Variants in CLSTN2 observed in about 807,000 individuals in gnomAD.
The protein encoded by CLSTN2 is calsyntenin-2.
A neutral mutation model predicts 101.2 loss-of-function variants in CLSTN2; 48 were observed. The ratio of observed to expected loss-of-function variants is 0.47; its 90% CI spans 0.38 to 0.60. The LOEUF (loss-of-function observed/expected upper bound fraction) is 0.60, where lower values mean the gene tolerates loss of function less well. Among genes scored for constraint, CLSTN2 ranks in the 20% least tolerant of loss-of-function variants. The pLI, the probability that CLSTN2 is intolerant of heterozygous loss-of-function variation, is 0.00. For missense variants in CLSTN2, 1,160 were observed against 1,238.2 expected (o/e 0.94, Z 0.95); for synonymous variants, 481 against 463.6 (o/e 1.04, Z -0.48).
At chr3:140,016,225 G>A (rs570226847) in intron 1 of CLSTN2, among the ~76,000 whole-genome samples, 2 of 152,318 alleles carry the variant, frequency 1.3e-5, no homozygotes, top group East Asian at 1.9e-4. Flanking sequence ...CAAGAAATGA[G>A]GAGAGCTGAG....
intron 2 of CLSTN2, among the ~76,000 whole-genome samples, chr3:140,376,633 A>C (rs2087920147): frequency 6.6e-6 from 1 of 152,224 alleles, no homozygotes; most frequent in East Asian, 1.9e-4. Flanking sequence ...TTTTCACAAC[A>C]TGTTGCATAG....
chr3:140,071,391 C>T (rs564577761), intron 1 of CLSTN2, among the ~76,000 whole-genome samples: 1 of 151,632 alleles, frequency 6.6e-6, no homozygotes, highest in Non-Finnish European at 1.5e-5. Context: ...GAGAAGCCAA[C>T]AGAGACATGA....
chr3:140,351,206 GAGAA>G (rs1308246656), intron 2 of CLSTN2, among the ~76,000 whole-genome samples: 1 of 152,132 alleles, frequency 6.6e-6, no homozygotes, highest in Admixed American at 6.6e-5. Flanking sequence ...GTGAGAGAGA[GAGAA>G]AGAAAGAGAG....
At chr3:140,391,510 A>G (rs1376016221) in intron 2 of CLSTN2, among the ~76,000 whole-genome samples, 1 of 152,182 alleles carries the variant, frequency 6.6e-6, no homozygotes, top group Non-Finnish European at 1.5e-5. Flanking sequence ...TCATTTAAAC[A>G]TGTGCAGTAC....
rs1259054034 is a variant in CLSTN2, at chr3:140,448,462, G to A, written c.788-57G>A. 5.0e-6 allele frequency: 7 copies of A among 1,401,882 alleles called. No homozygotes were observed. In the African/African-American group the frequency reaches 8.6e-5, roughly 17 times the overall value. The allele number at this position is 1,401,882 out of a possible 1,614,324, so 86.8% of individuals were successfully genotyped here. A position where few individuals can be genotyped will look rare whatever the true frequency, so the allele number is the denominator to read the frequency against. ...ACAAATTCACATTTCTAAAAGAAATGTTCCAGCAGAACTGACTGCACCTGA... is the reference window on the plus strand; with the variant it reads ...ACAAATTCACATTTCTAAAAGAAATATTCCAGCAGAACTGACTGCACCTGA... On this transcript the variant is annotated intron_variant, in intron 5 of 16. Transcript: ENST00000458420.
At chr3:140,012,832 G>T (rs534678486) in intron 1 of CLSTN2, among the ~76,000 whole-genome samples, 1 of 152,216 alleles carries the variant, frequency 6.6e-6, no homozygotes, top group African/African-American at 2.4e-5. Context: ...CAGAAAGCAG[G>T]AGGGACTTTA....
chr3:140,410,588 C>T (rs2088352809), intron 4 of CLSTN2, among the ~76,000 whole-genome samples: 1 of 152,024 alleles, frequency 6.6e-6, no homozygotes, highest in Non-Finnish European at 1.5e-5. Context: ...CAAAAGGATG[C>T]TCCTTGTTAA....
intron 2 of CLSTN2, among the ~76,000 whole-genome samples, chr3:140,393,871 T>C (rs1043119802): frequency 6.6e-6 from 1 of 152,216 alleles, no homozygotes; most frequent in African/African-American, 2.4e-5. Context: ...TTGGCAAATA[T>C]TAAAAATTTA....
intron 8 of CLSTN2, among the ~76,000 whole-genome samples, chr3:140,526,449 A>C (rs1454683581): frequency 6.6e-6 from 1 of 150,922 alleles, no homozygotes; most frequent in Non-Finnish European, 1.5e-5. Context: ...TTCATGCTTA[A>C]GGATTGGAAG....
intron 8 of CLSTN2, among the ~76,000 whole-genome samples, chr3:140,502,302 C>A (rs934422850): frequency 6.6e-6 from 1 of 152,142 alleles, no homozygotes; most frequent in Non-Finnish European, 1.5e-5. Context: ...TGAACACAGG[C>A]TTGTGGGGCT....
At chr3:140,292,740 G>A (rs1212295682) in intron 2 of CLSTN2, among the ~76,000 whole-genome samples, 1 of 152,328 alleles carries the variant, frequency 6.6e-6, no homozygotes, top group South Asian at 2.1e-4. Flanking sequence ...ATGAGGGTGA[G>A]CATAGCAATA....
intron 2 of CLSTN2, among the ~76,000 whole-genome samples, chr3:140,220,952 A>G (rs975724230): frequency 1.4e-4 from 22 of 152,242 alleles, no homozygotes; most frequent in African/African-American, 5.3e-4. Context: ...ATATACTGCA[A>G]CTGGAGCCCT....
intron 2 of CLSTN2, among the ~76,000 whole-genome samples, chr3:140,397,690 A>C (rs1046025664): frequency 1.3e-5 from 2 of 151,868 alleles, no homozygotes; most frequent in African/African-American, 4.8e-5. Context: ...GACCTAATTA[A>C]CTCCCAAAGG....
chr3:140,145,730 C>T (rs991643337), intron 1 of CLSTN2, among the ~76,000 whole-genome samples: 5 of 152,198 alleles, frequency 3.3e-5, no homozygotes, highest in African/African-American at 1.2e-4. Context: ...CTCTCCTCAG[C>T]CTTCTGCAAT....
At chr3:140,013,169 G>T (rs545110261) in intron 1 of CLSTN2, among the ~76,000 whole-genome samples, 2 of 152,332 alleles carry the variant, frequency 1.3e-5, no homozygotes, top group Non-Finnish European at 1.5e-5. Flanking sequence ...GGAAAACCAG[G>T]TCTCTTCAGG....
intron 2 of CLSTN2, among the ~76,000 whole-genome samples, chr3:140,223,293 A>T (rs2086290893): frequency 1.3e-5 from 2 of 152,204 alleles, no homozygotes; most frequent in South Asian, 4.1e-4. Flanking sequence ...AATAACATCA[A>T]CAGTTTATTC....
chr3:140,086,290 T>C (rs868530048), intron 1 of CLSTN2, among the ~76,000 whole-genome samples: 4 of 152,204 alleles, frequency 2.6e-5, no homozygotes, highest in Admixed American at 2.0e-4. Context: ...AGCAGAGCTG[T>C]AGTGTGCATG....
At chr3:140,152,159 A>C (rs1051272646) in intron 1 of CLSTN2, among the ~76,000 whole-genome samples, 1 of 152,202 alleles carries the variant, frequency 6.6e-6, no homozygotes, top group African/African-American at 2.4e-5. Context: ...TTATTAATTC[A>C]TACACTAATA....
chr3:140,028,873 G>A (rs1481794932), intron 1 of CLSTN2, among the ~76,000 whole-genome samples: 1 of 152,146 alleles, frequency 6.6e-6, no homozygotes, highest in Non-Finnish European at 1.5e-5. Flanking sequence ...CACTTTGACT[G>A]AAAATGGACC....
Sources: allele counts gnomAD v4.1 joint callset (sites outside exome capture counted in the v4.1 genomes callset), GRCh38; gene constraint gnomAD v4.1.1; transcripts MANE v1.5; gene names NCBI Gene and HGNC (gene_info 2026-07-23, HGNC 2026-07-21).